Variants in CRIM1 observed in about 807,000 individuals in gnomAD.
CRIM1 encodes cysteine-rich motor neuron 1 protein.
In CRIM1, 32 loss-of-function variants were observed where a neutral mutation model predicts 116.4. That is an observed-to-expected ratio of 0.27 (90% confidence interval 0.21 to 0.37). CRIM1 has a LOEUF of 0.37. CRIM1 is among the 10% of genes least tolerant of loss of function. The probability of loss-of-function intolerance (pLI) is 1.00; values close to 1 mark genes in which losing one functional copy is unlikely to be tolerated. For missense variants in CRIM1, 1,331 were observed against 1,354.8 expected, an observed-to-expected ratio of 0.98 and a Z score of 0.28; for synonymous variants, 590 against 509.2, an observed-to-expected ratio of 1.16 and a Z score of -2.13.
intron 7 of CRIM1, among the ~76,000 whole-genome samples, chr2:36,484,534 G>C (rs903816357): frequency 2.6e-5 from 4 of 152,158 alleles, no homozygotes; most frequent in Non-Finnish European, 5.9e-5. Context: ...TTCAAGAGAT[G>C]TGGACAGGTG....
intron 5 of CRIM1, among the ~76,000 whole-genome samples, chr2:36,472,514 C>T (rs920037302): frequency 2.6e-5 from 4 of 152,062 alleles, no homozygotes; most frequent in African/African-American, 9.7e-5. Context: ...ACCTAAGTGC[C>T]ACAGTTCTCT....
At chr2:36,480,912 G>C (rs547083592) in intron 7 of CRIM1, among the ~76,000 whole-genome samples, 1 of 152,226 alleles carries the variant, frequency 6.6e-6, no homozygotes, top group South Asian at 2.1e-4. Context: ...AGAGCATGTA[G>C]AAATACATAT....
chr2:36,422,777 A>G (rs974439134), intron 2 of CRIM1, among the ~76,000 whole-genome samples: 2 of 152,192 alleles, frequency 1.3e-5, no homozygotes, highest in African/African-American at 4.8e-5. Context: ...TTCATTTAAT[A>G]CTTCGGAAAT....
chr2:36,437,793 A>G (rs1255341613), intron 2 of CRIM1, among the ~76,000 whole-genome samples: 4 of 152,128 alleles, frequency 2.6e-5, no homozygotes, highest in African/African-American at 9.7e-5. Context: ...ACTGCAAAAC[A>G]CACGTCGAGA....
chr2:36,488,538 A>G (rs542778055), intron 7 of CRIM1, among the ~76,000 whole-genome samples: 1 of 152,332 alleles, frequency 6.6e-6, no homozygotes, highest in East Asian at 1.9e-4. Flanking sequence ...GGGACATGTA[A>G]CATGTTTCTG....
chr2:36,416,092 C>T (rs1172596876), intron 2 of CRIM1, among the ~76,000 whole-genome samples: 2 of 152,030 alleles, frequency 1.3e-5, no homozygotes, highest in Non-Finnish European at 2.9e-5. Context: ...CCTGTAATCC[C>T]AGCTACTCAG....
At chr2:36,511,983 A>G (rs1664719959) in intron 9 of CRIM1, among the ~76,000 whole-genome samples, 1 of 152,180 alleles carries the variant, frequency 6.6e-6, no homozygotes, top group South Asian at 2.1e-4. Context: ...TCATCTTTTT[A>G]TTGTGGTGTA....
intron 1 of CRIM1, among the ~76,000 whole-genome samples, chr2:36,362,008 T>C (rs1158427010): frequency 6.6e-6 from 1 of 152,144 alleles, no homozygotes; most frequent in Non-Finnish European, 1.5e-5. Context: ...CATTCATTCA[T>C]TGGTCTTCTA....
intron 5 of CRIM1, among the ~76,000 whole-genome samples, chr2:36,470,503 G>T (rs181289693): frequency 1.3e-5 from 2 of 152,218 alleles, no homozygotes; most frequent in East Asian, 1.9e-4. Context: ...TAAACCCCAC[G>T]GCTGTTAAGA....
chr2:36,485,075 A>G (rs557919755), intron 7 of CRIM1, among the ~76,000 whole-genome samples: 35 of 152,346 alleles, frequency 2.3e-4, no homozygotes, highest in African/African-American at 7.2e-4. Flanking sequence ...CAGACATATT[A>G]TCAGATACCC....
chr2:36,522,067 C>G (rs1327908475), intron 12 of CRIM1, 25 bp from the exon 13 acceptor site: 2 of 1,601,724 alleles, frequency 1.2e-6, no homozygotes, highest in East Asian at 4.5e-5. Flanking sequence ...ATCTTCTTTG[C>G]TGACCTATAT....
At chr2:36,463,411 A>G (rs1406208150) in intron 4 of CRIM1, among the ~76,000 whole-genome samples, 1 of 152,216 alleles carries the variant, frequency 6.6e-6, no homozygotes, top group Non-Finnish European at 1.5e-5. Context: ...TGCTGGGAAC[A>G]TTACCTTTCC....
chr2:36,455,542 A>G (rs112897773), intron 4 of CRIM1, among the ~76,000 whole-genome samples: 2,895 of 152,212 alleles, frequency 0.019, 99 homozygotes, highest in African/African-American at 0.066. Context: ...GCATTCCCCA[A>G]ACCTCTGCCC....
chr2:36,537,575 C>G (rs769573012), intron 14 of CRIM1, 29 bp downstream of exon 14: 2 of 1,564,424 alleles, frequency 1.3e-6, no homozygotes, highest in Non-Finnish European at 1.7e-6. Context: ...TTCCATTTGT[C>G]AAGCTGTAAT....
intron 4 of CRIM1, among the ~76,000 whole-genome samples, chr2:36,444,939 C>G (rs767756179): frequency 2.6e-5 from 4 of 152,220 alleles, no homozygotes; most frequent in African/African-American, 9.6e-5. Context: ...TCTCTGCTCC[C>G]TTGTCATCCA....
chr2:36,539,457 A>T (rs1666790555), intron 14 of CRIM1, among the ~76,000 whole-genome samples: 1 of 152,132 alleles, frequency 6.6e-6, no homozygotes, highest in South Asian at 2.1e-4. Flanking sequence ...TGAGTGCAAG[A>T]TTGTATTGAG....
intron 1 of CRIM1, among the ~76,000 whole-genome samples, chr2:36,357,439 C>G (rs1404242442): frequency 2.0e-5 from 3 of 152,046 alleles, no homozygotes; most frequent in Non-Finnish European, 4.4e-5. Context: ...CTCCAGCACG[C>G]ATTGTGCTCC....
chr2:36,534,885 G>C (rs1666427468), intron 13 of CRIM1, among the ~76,000 whole-genome samples: 1 of 152,116 alleles, frequency 6.6e-6, no homozygotes. Flanking sequence ...ATTTTATTCA[G>C]TGATATTGCA....
At chr2:36,362,553 C>T (rs1669296852) in intron 1 of CRIM1, among the ~76,000 whole-genome samples, 1 of 152,164 alleles carries the variant, frequency 6.6e-6, no homozygotes, top group Non-Finnish European at 1.5e-5. Context: ...TAAGCGTGGG[C>T]AGTAAACTGG....
Sources: gnomAD v4.1 joint callset for allele counts (sites outside exome capture counted in the v4.1 genomes callset) on GRCh38, gnomAD v4.1.1 for gene constraint, MANE v1.5 for transcripts, NCBI Gene and HGNC (gene_info 2026-07-23, HGNC 2026-07-21) for gene names.